Variants in TAMM41 observed in about 807,000 individuals in gnomAD.
TAMM41 encodes the protein phosphatidate cytidylyltransferase, mitochondrial.
Under a neutral mutation model 44.1 loss-of-function variants are expected in TAMM41, and 36 were observed. The ratio of observed to expected loss-of-function variants is 0.82; its 90% CI spans 0.63 to 1.08. The LOEUF (loss-of-function observed/expected upper bound fraction) is 1.08, where lower values mean the gene tolerates loss of function less well. TAMM41 is among the 50% of genes least tolerant of loss of function. The probability of loss-of-function intolerance (pLI) is 0.00; values close to 1 mark genes in which losing one functional copy is unlikely to be tolerated. For missense variants in TAMM41, 417 were observed against 404.3 expected, an observed-to-expected ratio of 1.03 and a Z score of -0.27; for synonymous variants, 164 against 153.1, an observed-to-expected ratio of 1.07 and a Z score of -0.53.
chr3:11,773,418 G>T, the TAMM41 span, among the ~76,000 whole-genome samples: 1 of 151,590 alleles, frequency 6.6e-6, no homozygotes, highest in East Asian at 1.9e-4. Context: ...GTGGGGTCTC[G>T]CTATTTTGGC....
the TAMM41 span, among the ~76,000 whole-genome samples, chr3:11,783,777 T>G: frequency 6.6e-6 from 1 of 152,232 alleles, no homozygotes; most frequent in East Asian, 1.9e-4. Context: ...TTAAGAGCAC[T>G]GAGACCGGAT....
At chr3:11,827,246 C>T (rs933078697) in intron 4 of TAMM41, among the ~76,000 whole-genome samples, 3 of 151,936 alleles carry the variant, frequency 2.0e-5, no homozygotes, top group African/African-American at 7.3e-5. Context: ...CTTTCCTGTT[C>T]ATTTAAATGC....
chr3:11,735,843 G>A, the TAMM41 span, among the ~76,000 whole-genome samples: 2 of 152,088 alleles, frequency 1.3e-5, no homozygotes, highest in Admixed American at 6.6e-5. Flanking sequence ...AGGCGAGGGC[G>A]CAGCAGGTGC....
At chr3:11,823,251 G>GT (rs1219625589) in intron 4 of TAMM41, among the ~76,000 whole-genome samples, 7 of 140,524 alleles carry the variant, frequency 5.0e-5, no homozygotes, top group African/African-American at 1.9e-4. Context: ...TGTTGTTGTT[G>GT]TTGTTTTTTT....
chr3:11,837,606 A>C (rs2079238925), intron 3 of TAMM41, among the ~76,000 whole-genome samples: 1 of 152,220 alleles, frequency 6.6e-6, no homozygotes, highest in Admixed American at 6.5e-5. Flanking sequence ...TGGCCTGAGA[A>C]AGAGAATAAA....
downstream of TAMM41, among the ~76,000 whole-genome samples, chr3:11,785,592 G>A (rs1043759643): frequency 1.3e-5 from 2 of 152,082 alleles, no homozygotes; most frequent in Non-Finnish European, 2.9e-5. Flanking sequence ...CCAAAATGCT[G>A]GGATTACAGG....
chr3:11,797,394 G>C (rs901066407), intron 7 of TAMM41, among the ~76,000 whole-genome samples: 1 of 152,158 alleles, frequency 6.6e-6, no homozygotes, highest in African/African-American at 2.4e-5. Context: ...CAAGCAATGG[G>C]GAAAGAACTC....
At chr3:11,725,454 C>T in the TAMM41 span, among the ~76,000 whole-genome samples, 4,303 of 137,554 alleles carry the variant, frequency 0.031, 186 homozygotes, top group East Asian at 0.19. Flanking sequence ...TCCTCCTCCT[C>T]CTTCTTCTTC....
the TAMM41 span, among the ~76,000 whole-genome samples, chr3:11,741,660 GA>G: frequency 6.7e-6 from 1 of 150,262 alleles, no homozygotes; most frequent in Non-Finnish European, 1.5e-5. Context: ...GTTTCATGGG[GA>G]GAAAATTTGT....
At chr3:11,809,752 G>A in intron 5 of TAMM41, 70 bp from the exon 6 acceptor site, 3 of 1,499,554 alleles carry the variant, frequency 2.0e-6, no homozygotes, top group Non-Finnish European at 2.7e-6. Context: ...CAAAACTCAG[G>A]GCTTCTCTTT....
intron 3 of TAMM41, 55 bp downstream of exon 3, chr3:11,839,167 G>T: frequency 8.9e-7 from 1 of 1,120,078 alleles, no homozygotes; most frequent in Non-Finnish European, 1.3e-6. Context: ...ATCAAAGTAA[G>T]GTTAGGCTCA....
chr3:11,813,908 G>A (rs200855479), intron 5 of TAMM41, among the ~76,000 whole-genome samples: 20 of 132,814 alleles, frequency 1.5e-4, no homozygotes, highest in Non-Finnish European at 2.6e-4. Context: ...ATGTATATAT[G>A]TGTGTATATA....
chr3:11,800,258 G>T (rs1411401675), intron 7 of TAMM41, among the ~76,000 whole-genome samples: 2 of 151,828 alleles, frequency 1.3e-5, no homozygotes, highest in East Asian at 3.9e-4. Context: ...AGAAAACAAA[G>T]AATTTATAAA....
At chr3:11,725,453 TC>T in the TAMM41 span, among the ~76,000 whole-genome samples, 96 of 147,598 alleles carry the variant, frequency 6.5e-4, 2 homozygotes, top group Admixed American at 5.9e-3. Flanking sequence ...CTCCTCCTCC[TC>T]CTTCTTCTTC....
the TAMM41 span, among the ~76,000 whole-genome samples, chr3:11,733,234 A>G: frequency 1.3e-5 from 2 of 151,750 alleles, no homozygotes; most frequent in Admixed American, 6.6e-5. Flanking sequence ...CCTGACCTCA[A>G]ATGATCTGCC....
chr3:11,817,014 A>T, intron 5 of TAMM41, 178 bp downstream of exon 5: 1 of 584,462 alleles, frequency 1.7e-6, no homozygotes, highest in Non-Finnish European at 2.7e-6. Flanking sequence ...GCCTCTTATT[A>T]CTAGTCTGTT....
intron 5 of TAMM41, among the ~76,000 whole-genome samples, chr3:11,811,924 A>C (rs181009954): frequency 2.0e-5 from 3 of 152,206 alleles, no homozygotes; most frequent in African/African-American, 7.2e-5. Flanking sequence ...AATAAAGCTA[A>C]TATTTTGTTA....
In TAMM41 at chr3:11,824,031, T is replaced by C. The variant is rs565306212; in HGVS notation, c.562+5683A>G. Among the ~76,000 whole-genome samples, 5 of 152,122 alleles carry C rather than the reference T, an allele frequency of 3.3e-5. No individual in the cohort carries two copies. The South Asian group carries it at 1.0e-3, about 32-fold the overall frequency. ...CAATAGAGACAGGGTTTCACCATGT[T>C]GGCCAGACTGGTCTGGAACCCCTGA... On this transcript the variant is annotated intron_variant, in intron 4 of 7. Coordinates refer to ENST00000455809, the MANE Select transcript of TAMM41 (RefSeq NM_001284401.2).
intron 4 of TAMM41, among the ~76,000 whole-genome samples, chr3:11,818,157 G>C (rs1461351356): frequency 6.6e-6 from 1 of 152,200 alleles, no homozygotes; most frequent in East Asian, 1.9e-4. Context: ...AAGCAATGTG[G>C]CTGAATCCTT....
Sources: gnomAD v4.1 joint callset for allele counts (sites outside exome capture counted in the v4.1 genomes callset) on GRCh38, gnomAD v4.1.1 for gene constraint, MANE v1.5 for transcripts, NCBI Gene and HGNC (gene_info 2026-07-23, HGNC 2026-07-21) for gene names.